Variants in NUAK1 observed in about 807,000 individuals in gnomAD.
NUAK1 encodes NUAK family kinase 1, also known as NUAK family SNF1-like kinase 1.
NUAK1 carries 26 observed loss-of-function variants against 56.9 expected under a neutral mutation model. The observed-to-expected ratio is 0.46, with a 90% CI of 0.33 to 0.63. The LOEUF (loss-of-function observed/expected upper bound fraction) is 0.63, where lower values mean the gene tolerates loss of function less well. Among genes scored for constraint, NUAK1 ranks in the 30% least tolerant of loss-of-function variants. The pLI, the probability that NUAK1 is intolerant of heterozygous loss-of-function variation, is 0.02. For missense variants in NUAK1, 727 were observed against 876.1 expected (o/e 0.83, Z 2.15); for synonymous variants, 337 against 336.0 (o/e 1.00, Z -0.03).
intron 1 of NUAK1, among the ~76,000 whole-genome samples, chr12:106,134,894 T>G (rs374578394): frequency 1.2e-4 from 18 of 152,240 alleles, no homozygotes; most frequent in African/African-American, 4.3e-4. Context: ...CCTAATTAAT[T>G]TGGTATTTAT....
intron 1 of NUAK1, among the ~76,000 whole-genome samples, chr12:106,122,395 G>C (rs570860154): frequency 6.6e-6 from 1 of 152,294 alleles, no homozygotes; most frequent in African/African-American, 2.4e-5. Context: ...TTCTGTGCCT[G>C]TTTATCCGCC....
At chr12:106,121,705 G>A (rs1208392461) in intron 1 of NUAK1, among the ~76,000 whole-genome samples, 2 of 151,980 alleles carry the variant, frequency 1.3e-5, no homozygotes, top group Non-Finnish European at 2.9e-5. Flanking sequence ...TGCCGAGACT[G>A]TGCCACCACA....
At chr12:106,134,481 G>A (rs1199649287) in intron 1 of NUAK1, among the ~76,000 whole-genome samples, 1 of 152,160 alleles carries the variant, frequency 6.6e-6, no homozygotes, top group African/African-American at 2.4e-5. Context: ...GTGGGGGAGG[G>A]GCACACATTG....
At chr12:106,094,483 G>A (rs186453797) in intron 2 of NUAK1, among the ~76,000 whole-genome samples, 8 of 152,246 alleles carry the variant, frequency 5.3e-5, no homozygotes, top group African/African-American at 1.7e-4. Context: ...CAAACACCTC[G>A]TGGGCTCACA....
chr12:106,113,918 T>C (rs768662637), intron 1 of NUAK1, among the ~76,000 whole-genome samples: 5 of 152,030 alleles, frequency 3.3e-5, no homozygotes, highest in African/African-American at 9.7e-5. Flanking sequence ...CGAAAAAGCC[T>C]CTGGTAACAC....
intron 1 of NUAK1, among the ~76,000 whole-genome samples, chr12:106,120,748 G>A (rs140046297): frequency 1.6e-4 from 24 of 152,288 alleles, no homozygotes; most frequent in African/African-American, 4.3e-4. Flanking sequence ...AGCCTATGAC[G>A]CAAGATAGCA....
rs185218603 is a variant in NUAK1, at chr12:106,083,427, T to G, written c.579+437A>C. Among the ~76,000 whole-genome samples the G allele has an allele frequency of 2.2e-3, 334 of 152,354 alleles. 6 individuals carry two copies. Among genetic ancestry groups the G allele is most frequent in the Admixed American group, 0.021 (320 of 15,304 alleles). On this transcript the variant is annotated intron_variant, in intron 4 of 6. Coordinates refer to ENST00000261402, the MANE Select transcript of NUAK1 (RefSeq NM_014840.3). ...TACCTTGGGCAAATTACTTAGTTTTTCTGTGCCTCAGTTTCCCTATCTGTG... is the reference window on the plus strand; with the variant it reads ...TACCTTGGGCAAATTACTTAGTTTTGCTGTGCCTCAGTTTCCCTATCTGTG...
At chr12:106,095,763 T>C (rs1247786434) in intron 2 of NUAK1, among the ~76,000 whole-genome samples, 4 of 152,186 alleles carry the variant, frequency 2.6e-5, no homozygotes, top group African/African-American at 9.7e-5. Flanking sequence ...AAATAGTGAA[T>C]GAACACTTAA....
intron 2 of NUAK1, among the ~76,000 whole-genome samples, chr12:106,093,426 AT>A (rs1371000963): frequency 2.0e-5 from 3 of 152,214 alleles, no homozygotes; most frequent in African/African-American, 7.2e-5. Flanking sequence ...ATTTCATCAG[AT>A]GTTCGGTTTG....
At chr12:106,112,025 G>A (rs955797887) in intron 1 of NUAK1, among the ~76,000 whole-genome samples, 1 of 151,228 alleles carries the variant, frequency 6.6e-6, no homozygotes, top group Non-Finnish European at 1.5e-5. Context: ...TGTAGGATCC[G>A]AAAGGGTCCC....
chr12:106,126,096 T>G (rs2033022491), intron 1 of NUAK1, among the ~76,000 whole-genome samples: 1 of 151,994 alleles, frequency 6.6e-6, no homozygotes, highest in South Asian at 2.1e-4. Context: ...AGTAATAAAA[T>G]TCTGAGAGAT....
rs191504282 is a variant in NUAK1 at position 106,101,635 on chromosome 12, T to C, written c.361+4770A>G. 1.4e-4 allele frequency among the ~76,000 whole-genome samples: 21 copies of C among 152,322 alleles called. No individual in the cohort carries two copies. In the East Asian group the frequency reaches 3.9e-3, roughly 28 times the overall value. On this transcript the variant is annotated intron_variant, in intron 2 of 6. Transcript: ENST00000261402. ...CTCAGACCAGAATTGTGAGAAAATA[T>C]ATTTCTGTTGCTTAAGTCACCAGTC...
intron 1 of NUAK1, among the ~76,000 whole-genome samples, chr12:106,113,946 A>G (rs919837): frequency 0.29 from 44,188 of 152,026 alleles, 11,879 homozygotes; most frequent in African/African-American, 0.72. Flanking sequence ...GCTAACACAG[A>G]CAATATCAGA....
chr12:106,112,431 A>C (rs1417073900), intron 1 of NUAK1, among the ~76,000 whole-genome samples: 1 of 151,400 alleles, frequency 6.6e-6, no homozygotes, highest in African/African-American at 2.4e-5. Context: ...GCACAGCCCC[A>C]CCGAGGCCAC....
At chr12:106,118,958 AG>A (rs1194462172) in intron 1 of NUAK1, among the ~76,000 whole-genome samples, 4 of 152,338 alleles carry the variant, frequency 2.6e-5, no homozygotes, top group African/African-American at 9.6e-5. Flanking sequence ...ATAAAATGTA[AG>A]CTATGTAAGG....
chr12:106,132,390 C>T (rs979108321), intron 1 of NUAK1, among the ~76,000 whole-genome samples: 1 of 152,202 alleles, frequency 6.6e-6, no homozygotes, highest in Non-Finnish European at 1.5e-5. Context: ...TGCTTGGCAC[C>T]ATGTGAGGCA....
intron 4 of NUAK1, among the ~76,000 whole-genome samples, chr12:106,081,879 T>C (rs1279200410): frequency 6.6e-6 from 1 of 152,188 alleles, no homozygotes; most frequent in African/African-American, 2.4e-5. Context: ...AGGAAGGATC[T>C]GGAGAGGAAG....
chr12:106,120,864 ACCAGGCATGGATGGGGCCACCTTCAGG>A (rs1337455205), intron 1 of NUAK1, among the ~76,000 whole-genome samples: 2 of 152,150 alleles, frequency 1.3e-5, no homozygotes, highest in African/African-American at 4.8e-5. Flanking sequence ...TCCCATCTTG[ACCAGGCATGGATGGGGCCACCTTCAGG>A]AGAGCAGACC....
At chr12:106,075,230 T>C (rs995038055) in intron 4 of NUAK1, among the ~76,000 whole-genome samples, 5 of 151,236 alleles carry the variant, frequency 3.3e-5, no homozygotes, top group South Asian at 2.1e-4. Context: ...ACAAGATTAA[T>C]AGAAATCTAG....
Sources: allele counts gnomAD v4.1 joint callset (sites outside exome capture counted in the v4.1 genomes callset), GRCh38; gene constraint gnomAD v4.1.1; transcripts MANE v1.5; gene names NCBI Gene and HGNC (gene_info 2026-07-23, HGNC 2026-07-21).